The following PCDHA3 variants were observed in gnomAD, a reference collection of about 807,000 sequenced individuals.
The protein encoded by PCDHA3 is protocadherin alpha-3.
In PCDHA3, 41 loss-of-function variants were observed where a neutral mutation model predicts 62.2. That is an observed-to-expected ratio of 0.66 (90% CI 0.51 to 0.86). The LOEUF (loss-of-function observed/expected upper bound fraction) is 0.86, where lower values mean the gene tolerates loss of function less well. Ranked by LOEUF, PCDHA3 falls within the 40% of genes least tolerant of loss-of-function variation. The pLI is 0.00. For synonymous variants in PCDHA3, 640 were observed against 555.4 expected, an observed-to-expected ratio of 1.15 and a Z score of -2.14; for missense variants, 1,304 against 1,241.2, an observed-to-expected ratio of 1.05 and a Z score of -0.76.
At chr5:140,965,893 C>G (rs1173111476) in intron 1 of PCDHA3, among the ~76,000 whole-genome samples, 1 of 152,226 alleles carries the variant, frequency 6.6e-6, no homozygotes, top group Non-Finnish European at 1.5e-5. Context: ...AGAATTGAGT[C>G]TTGGATCCCA....
At chr5:140,848,284 A>G (rs1378049676) in intron 1 of PCDHA3, 1 of 612,322 alleles carries the variant, frequency 1.6e-6, no homozygotes, top group Non-Finnish European at 2.9e-6. Flanking sequence ...ATGTACTTAC[A>G]CTTTGGGCCA....
At chr5:141,007,030 A>G (rs1554261014) in intron 3 of PCDHA3, among the ~76,000 whole-genome samples, 1 of 152,186 alleles carries the variant, frequency 6.6e-6, no homozygotes, top group African/African-American at 2.4e-5. Flanking sequence ...TATGGTATTT[A>G]TATCTATGGA....
chr5:140,856,258 C>G, intron 1 of PCDHA3: 1 of 1,598,068 alleles, frequency 6.3e-7, no homozygotes, highest in South Asian at 1.1e-5. Context: ...CCAAAAGACA[C>G]GGGGACCTTC....
intron 1 of PCDHA3, chr5:140,862,723 C>T: frequency 1.8e-6 from 1 of 568,234 alleles, no homozygotes; most frequent in East Asian, 4.8e-5. Flanking sequence ...CGAGTGCGCG[C>T]TGTCTAGCTA....
intron 1 of PCDHA3, among the ~76,000 whole-genome samples, chr5:140,922,803 A>G (rs2080995467): frequency 6.6e-6 from 1 of 152,246 alleles, no homozygotes; most frequent in African/African-American, 2.4e-5. Flanking sequence ...TGGAATACAG[A>G]AAAAGGAGAT....
intron 1 of PCDHA3, chr5:140,966,708 C>G (rs1033433543): frequency 7.2e-7 from 1 of 1,384,746 alleles, no homozygotes; most frequent in Non-Finnish European, 9.3e-7. Context: ...GCGTGGGGCA[C>G]GGCTGGGGAA....
intron 1 of PCDHA3, among the ~76,000 whole-genome samples, chr5:140,845,178 C>A (rs1562424606): frequency 6.7e-6 from 1 of 149,120 alleles, no homozygotes; most frequent in Non-Finnish European, 1.5e-5. Context: ...CATTTTAGTC[C>A]TTTAAAAAAT....
intron 1 of PCDHA3, chr5:140,807,503 C>G (rs1581685370): frequency 6.2e-7 from 1 of 1,613,826 alleles, no homozygotes; most frequent in Non-Finnish European, 8.5e-7. Context: ...CAGCATCCAC[C>G]TGGAGGTGAT....
chr5:141,003,574 A>G (rs559561339), intron 3 of PCDHA3, among the ~76,000 whole-genome samples: 22 of 151,680 alleles, frequency 1.5e-4, no homozygotes, highest in Admixed American at 3.9e-4. Context: ...CAGACTCCCA[A>G]AGTGCTGGGA....
rs2150118924 is a variant in PCDHA3, at chr5:140,822,737, C to A, written c.2394+19146C>A. The A allele has an allele frequency of 1.9e-6, 3 of 1,613,148 alleles. 1 individual carries two copies. The South Asian group carries it at 3.3e-5, about 18-fold the overall frequency. ...AACTCATATGAAATTAATATTGATG[C>A]CATGGATAAAAGTACATTCCCATTA... On this transcript the variant is annotated intron_variant, in intron 1 of 3. Coordinates refer to ENST00000522353, the MANE Select transcript of PCDHA3 (RefSeq NM_018906.3).
At chr5:140,950,073 G>T (rs2094447306) in intron 1 of PCDHA3, among the ~76,000 whole-genome samples, 1 of 151,672 alleles carries the variant, frequency 6.6e-6, no homozygotes, top group Non-Finnish European at 1.5e-5. Flanking sequence ...CTGTGCCATT[G>T]CTTATGCTAT....
rs138591837 is a variant in PCDHA3 at position 140,843,301 on chromosome 5, C to T, written c.2394+39710C>T. The T allele has an allele frequency of 6.3e-6, 10 of 1,595,850 alleles. 1 individual carries two copies. The African/African-American group carries it at 6.7e-5, about 11-fold the overall frequency. On this transcript the variant is annotated intron_variant, in intron 1 of 3. Transcript: ENST00000522353. The stretch of plus-strand genomic sequence containing the variant: ...AGGATCATGGTGAACCTGCGCTGAC[C>T]GCCACGGCCACGGTTCTGGTGTCGC...
intron 1 of PCDHA3, among the ~76,000 whole-genome samples, chr5:140,931,598 A>G (rs2087630191): frequency 6.6e-6 from 1 of 152,200 alleles, no homozygotes; most frequent in African/African-American, 2.4e-5. Context: ...GTCTTTTTCC[A>G]TCATTGTTGA....
At chr5:140,809,342 A>AC in intron 1 of PCDHA3, 1 of 1,614,026 alleles carries the variant, frequency 6.2e-7, no homozygotes, top group Non-Finnish European at 8.5e-7. Context: ...GCTGCTGTAC[A>AC]CCGCGCTGCG....
At chr5:140,934,511 T>C (rs999288213) in intron 1 of PCDHA3, among the ~76,000 whole-genome samples, 1 of 152,210 alleles carries the variant, frequency 6.6e-6, no homozygotes, top group East Asian at 1.9e-4. Context: ...AAAGGGTCCA[T>C]AGACCACACT....
chr5:140,841,387 A>T, intron 1 of PCDHA3: 1 of 1,613,470 alleles, frequency 6.2e-7, no homozygotes. Flanking sequence ...TGCTCCTCGC[A>T]GCCTGGAAGG....
At chr5:140,911,620 C>T (rs2075566183) in intron 1 of PCDHA3, among the ~76,000 whole-genome samples, 1 of 152,146 alleles carries the variant, frequency 6.6e-6, no homozygotes, top group Non-Finnish European at 1.5e-5. Context: ...CTTAGTTCCC[C>T]ACATATGGTC....
chr5:140,826,610 G>A (rs1331422800), intron 1 of PCDHA3, among the ~76,000 whole-genome samples: 1 of 152,086 alleles, frequency 6.6e-6, no homozygotes, highest in Admixed American at 6.6e-5. Flanking sequence ...AATTAAGGGC[G>A]AAGTTGATAT....
intron 1 of PCDHA3, chr5:140,822,061 C>A (rs2150113317): frequency 3.1e-6 from 5 of 1,614,168 alleles, no homozygotes; most frequent in Non-Finnish European, 4.2e-6. Flanking sequence ...GGAGCTGTGC[C>A]GGCGGAGGGC....
Sources: gnomAD v4.1 joint callset for allele counts (sites outside exome capture counted in the v4.1 genomes callset) on GRCh38, gnomAD v4.1.1 for gene constraint, MANE v1.5 for transcripts, NCBI Gene and HGNC (gene_info 2026-07-23, HGNC 2026-07-21) for gene names.